Variants in ABCC9 observed in about 807,000 individuals in gnomAD.
The protein encoded by ABCC9 is ATP binding cassette subfamily C member 9, also known as ATP-binding cassette sub-family C member 9.
Under a neutral mutation model 188.3 loss-of-function variants are expected in ABCC9, and 95 were observed. That is an observed-to-expected ratio of 0.50 (90% CI 0.43 to 0.60). ABCC9 has a LOEUF of 0.60. Ranked by LOEUF, ABCC9 falls within the 20% of genes least tolerant of loss-of-function variation. The pLI, the probability that ABCC9 is intolerant of heterozygous loss-of-function variation, is 0.00. For missense variants in ABCC9, 1,102 were observed against 1,876.3 expected (o/e 0.59, Z 7.62); for synonymous variants, 659 against 652.7 (o/e 1.01, Z -0.15).
chr12:21,901,870 C>T (rs2137801969), intron 12 of ABCC9, among the ~76,000 whole-genome samples: 1 of 152,200 alleles, frequency 6.6e-6, no homozygotes, highest in Admixed American at 6.5e-5. Flanking sequence ...CTTTAACACC[C>T]CACTGTCAAC....
At chr12:21,843,193 T>A (rs181386484) in intron 28 of ABCC9, among the ~76,000 whole-genome samples, 203 of 152,306 alleles carry the variant, frequency 1.3e-3, no homozygotes, top group African/African-American at 4.5e-3. Context: ...ACTTTATAGC[T>A]TTATGTTTTA....
At chr12:21,894,205 G>A in intron 13 of ABCC9, 31 bp from the exon 14 acceptor site, 1 of 1,613,634 alleles carries the variant, frequency 6.2e-7, no homozygotes, top group Non-Finnish European at 8.5e-7. Flanking sequence ...TTTAGAGAAA[G>A]CTGGAAAAAG....
intron 15 of ABCC9, among the ~76,000 whole-genome samples, chr12:21,884,121 G>C (rs981825840): frequency 6.6e-6 from 1 of 151,336 alleles, no homozygotes; most frequent in African/African-American, 2.4e-5. Flanking sequence ...CCCCAGGCTG[G>C]AGTGCAGTGG....
chr12:21,909,152 C>G (rs933925293), intron 10 of ABCC9, among the ~76,000 whole-genome samples: 1 of 151,880 alleles, frequency 6.6e-6, no homozygotes, highest in East Asian at 1.9e-4. Flanking sequence ...TTTTGGTGCA[C>G]TTAAAATTAC....
chr12:21,867,334 A>G (rs1043081698), intron 18 of ABCC9, among the ~76,000 whole-genome samples: 8 of 152,120 alleles, frequency 5.3e-5, no homozygotes, highest in Admixed American at 1.3e-4. Flanking sequence ...CCACCATTCA[A>G]TGTGGTACTC....
rs200723629 is a variant in ABCC9 at position 21,926,011 on chromosome 12, C to T, written c.337G>A (p.Val113Ile). 50 of 1,614,052 alleles carry T rather than the reference C, an allele frequency of 3.1e-5. No individual in the cohort carries two copies. Among genetic ancestry groups the T allele is most frequent in the Non-Finnish European group, 3.8e-5 (45 of 1,179,998 alleles). ...HLFMPAVMGFVATTTSIVYYH... is the reference protein window; with the variant it reads ...HLFMPAVMGFIATTTSIVYYH... ...TACACTATCGATGTTGTAGTGGCAA[C>T]GAATCCCATCACGGCTGGCATAAAG... The change falls in exon 5 of 40, where the codon GTT (valine) becomes ATT (isoleucine). Residue 113 changes from valine (V) to isoleucine (I), a missense_variant. Val to Ile is a conservative substitution (Grantham distance 29). This residue lies in a region of ABCC9 where 305 missense variants were observed against 573.0 expected (regional missense o/e 0.53). Coordinates refer to ENST00000261200, the MANE Select transcript of ABCC9 (RefSeq NM_020297.4).
Position 21,799,270 on chromosome 12 carries a change from AAG to A in ABCC9, c.*1772_*1773del, listed in dbSNP as rs1313489167. 6.6e-6 allele frequency: 1 copy of A among 151,744 alleles called. No individual in the cohort carries two copies. The highest frequency in any genetic ancestry group is 2.4e-5 in the African/African-American group (1 of 41,376). 9.4% of individuals were successfully genotyped at this position (151,744 alleles called of 1,614,324 possible). ...ATTAAAAAAAAAATTAAAAAAAAAAAAGAAAAAAAAAAGATTACTTCCATGGG... is the reference window on the plus strand; with the variant it reads ...ATTAAAAAAAAAATTAAAAAAAAAAAAAAAAAAAAAGATTACTTCCATGGG... On this transcript the variant is annotated 3_prime_UTR_variant, in exon 40 of 40. Coordinates refer to ENST00000261200, the MANE Select transcript of ABCC9 (RefSeq NM_020297.4).
chr12:21,811,058 T>A (rs1227308442), intron 36 of ABCC9, among the ~76,000 whole-genome samples: 3 of 152,120 alleles, frequency 2.0e-5, no homozygotes, highest in Admixed American at 1.3e-4. Context: ...TCCTCACGTG[T>A]CCAGGGAGGG....
At chr12:21,927,217 A>G (rs1949076963) in intron 4 of ABCC9, among the ~76,000 whole-genome samples, 2 of 152,250 alleles carry the variant, frequency 1.3e-5, no homozygotes, top group South Asian at 4.1e-4. Flanking sequence ...GTATCATGGA[A>G]GGCTTTGTAT....
At position 21,846,446 on chromosome 12, in the gene ABCC9, T is replaced by C. The variant is rs1051908577; in HGVS notation, c.2867-614A>G. On this transcript the variant is annotated intron_variant, in intron 25 of 39. Transcript: ENST00000261200. The stretch of plus-strand genomic sequence containing the variant: ...CTGACAATCAAAATTTGATCATTTC[T>C]ATGGTCCAGTGACTGTGTTCCCATC... 7.9e-5 allele frequency among the ~76,000 whole-genome samples: 12 copies of C among 152,210 alleles called. 1 individual carries two copies. Among genetic ancestry groups the C allele is most frequent in the Admixed American group, 3.9e-4 (6 of 15,276 alleles).
chr12:21,846,792 C>A (rs1227647128), intron 25 of ABCC9, among the ~76,000 whole-genome samples: 1 of 152,120 alleles, frequency 6.6e-6, no homozygotes, highest in Non-Finnish European at 1.5e-5. Flanking sequence ...CTCCCCAATA[C>A]CCATTCTTTG....
At chr12:21,927,314 A>T (rs1187975150) in intron 4 of ABCC9, among the ~76,000 whole-genome samples, 1 of 152,206 alleles carries the variant, frequency 6.6e-6, no homozygotes, top group Non-Finnish European at 1.5e-5. Context: ...TTTTAAACGG[A>T]TAGCTCTAGC....
rs1375078159 is a variant in ABCC9, at chr12:21,915,261, G to GTA, written c.816+405_816+406dup. 2.1e-3 allele frequency among the ~76,000 whole-genome samples: 220 copies of GTA among 105,332 alleles called. 1 individual carries two copies. The highest frequency in any genetic ancestry group is 2.9e-3 in the Admixed American group (28 of 9,570). 69.1% of individuals were successfully genotyped at this position (105,332 alleles called of 152,430 possible). A position where few individuals can be genotyped will look rare whatever the true frequency, so the allele number is the denominator to read the frequency against. On this transcript the variant is annotated intron_variant, in intron 7 of 39. Transcript: ENST00000261200. ...TGTGTGTGTGTGTGTGTGTGTGTGT[G>GTA]TATATAATGTGTATATATATGTGTG...
chr12:21,894,359 C>G (rs1312020636), intron 13 of ABCC9, among the ~76,000 whole-genome samples, 185 bp from the exon 14 acceptor site: 3 of 152,108 alleles, frequency 2.0e-5, no homozygotes, highest in Non-Finnish European at 4.4e-5. Context: ...GAAAGGCTTA[C>G]CTGCAATTAT....
At chr12:21,885,271 T>C (rs527465880) in intron 15 of ABCC9, among the ~76,000 whole-genome samples, 1 of 152,196 alleles carries the variant, frequency 6.6e-6, no homozygotes, top group Non-Finnish European at 1.5e-5. Flanking sequence ...TTTAAAAAGT[T>C]TGTCATTTGT....
At chr12:21,807,296 T>C (rs1941924259) in intron 38 of ABCC9, 50 bp downstream of exon 38, 1 of 1,612,538 alleles carries the variant, frequency 6.2e-7, no homozygotes, top group East Asian at 2.2e-5. Context: ...GTAATTTTCA[T>C]GCACATTTCT....
intron 30 of ABCC9, among the ~76,000 whole-genome samples, chr12:21,835,518 C>T (rs1259552809): frequency 6.6e-6 from 1 of 152,142 alleles, no homozygotes; most frequent in African/African-American, 2.4e-5. Context: ...ATGAGATAGG[C>T]ACTGGTTAGC....
chr12:21,873,031 G>T (rs1946161026), intron 17 of ABCC9, among the ~76,000 whole-genome samples: 1 of 151,766 alleles, frequency 6.6e-6, no homozygotes, highest in Admixed American at 6.6e-5. Context: ...AATTCATTCA[G>T]AATAAAAAGG....
rs876657737 is a variant in ABCC9 at position 21,805,305 on chromosome 12, C to A, written c.4512+693G>T. On this transcript the variant is annotated intron_variant, in intron 39 of 39. Transcript: ENST00000261200. The stretch of plus-strand genomic sequence containing the variant: ...AGGCCTGCATCCATAATAGAAGAGA[C>A]ACGGTGCTGGAGAGAAAAATAGAAA... 1.2e-6 allele frequency: 2 copies of A among 1,613,810 alleles called. No individual in the cohort carries two copies. The highest frequency in any genetic ancestry group is 1.7e-6 in the Non-Finnish European group (2 of 1,179,872).
Sources: gnomAD v4.1 joint callset for allele counts (sites outside exome capture counted in the v4.1 genomes callset) on GRCh38, gnomAD v4.1.1 for gene constraint, gnomAD v4.1.1 regional missense constraint, MANE v1.5 for transcripts, NCBI Gene and HGNC (gene_info 2026-07-23, HGNC 2026-07-21) for gene names.